Variants in SP3 observed in about 807,000 individuals in gnomAD.
SP3 encodes Sp3 transcription factor.
In SP3, 10 loss-of-function variants were observed where a neutral mutation model predicts 70.3. That is an observed-to-expected ratio of 0.14 (90% confidence interval 0.09 to 0.24). The LOEUF is 0.24. Ranked by LOEUF, SP3 falls within the 10% of genes least tolerant of loss-of-function variation. The pLI, the probability that SP3 is intolerant of heterozygous loss-of-function variation, is 1.00. For synonymous variants in SP3, 402 were observed against 333.5 expected, an observed-to-expected ratio of 1.21 and a Z score of -2.24; for missense variants, 825 against 914.6, an observed-to-expected ratio of 0.90 and a Z score of 1.26.
intron 6 of SP3, among the ~76,000 whole-genome samples, chr2:173,911,185 G>C (rs1216223240): frequency 2.6e-5 from 4 of 152,070 alleles, no homozygotes; most frequent in African/African-American, 4.8e-5. Flanking sequence ...CTTCCTTAAA[G>C]ACCAAATTTT....
At chr2:173,950,073 T>A (rs530808607) in intron 4 of SP3, among the ~76,000 whole-genome samples, 1 of 152,196 alleles carries the variant, frequency 6.6e-6, no homozygotes, top group South Asian at 2.1e-4. Context: ...CAGCATGCAT[T>A]TCTCAGTGGG....
chr2:173,934,162 C>G (rs553182235), intron 4 of SP3, among the ~76,000 whole-genome samples: 3 of 151,832 alleles, frequency 2.0e-5, no homozygotes, highest in Admixed American at 6.6e-5. Context: ...ATCACATGAG[C>G]CCAGGAGTTT....
At chr2:173,954,115 G>C (rs1188941038) in intron 4 of SP3, among the ~76,000 whole-genome samples, 1 of 152,142 alleles carries the variant, frequency 6.6e-6, no homozygotes, top group African/African-American at 2.4e-5. Flanking sequence ...AAGTAATAAA[G>C]TTCAGGATTT....
rs1418449363 is a variant in SP3, at chr2:173,908,665, G to A, written c.*1276C>T. The A allele has an allele frequency of 2.0e-5, 3 of 152,314 alleles. No homozygotes were observed. Among genetic ancestry groups the A allele is most frequent in the Non-Finnish European group, 4.4e-5 (3 of 67,872 alleles). The allele number at this position is 152,314 out of a possible 1,614,324, so 9.4% of individuals were successfully genotyped here. ...ACAGAATTCCAAATTTTTGAAATAGGTGAACTGCTGCAGTTACAGGTATAC... is the reference window on the plus strand; with the variant it reads ...ACAGAATTCCAAATTTTTGAAATAGATGAACTGCTGCAGTTACAGGTATAC... On this transcript the variant is annotated 3_prime_UTR_variant, in exon 7 of 7. Transcript: ENST00000310015.
chr2:173,951,833 A>G (rs1313734173), intron 4 of SP3, among the ~76,000 whole-genome samples: 1 of 152,192 alleles, frequency 6.6e-6, no homozygotes, highest in Admixed American at 6.5e-5. Flanking sequence ...ATGATTTTAT[A>G]ATATAATGAG....
chr2:173,913,245 C>A lies in SP3; in HGVS notation c.1854G>T (p.Lys618Asn). 1 of 1,597,194 alleles carries A rather than the reference C, an allele frequency of 6.3e-7. No individual in the cohort carries two copies. The highest frequency in any genetic ancestry group is 1.1e-5 in the South Asian group (1 of 87,576). ...GGGRGTNLGK[K>N]KQHICHIPGC... ...CTGGTATATGACAAATGTGTTGCTT[C>A]TTTTTCCCAAGATTGGTACCTCTAA... The change falls in exon 6 of 7, where the codon AAG (lysine) becomes AAT (asparagine). Residue 618 changes from lysine to asparagine, a missense_variant. By Grantham distance (94) the Lys-to-Asn change is moderately conservative. This residue lies in a region of SP3 where 37 missense variants were observed against 66.2 expected (regional missense o/e 0.56). Transcript: ENST00000310015.
intron 4 of SP3, among the ~76,000 whole-genome samples, chr2:173,933,274 G>T (rs1690117369): frequency 6.6e-6 from 1 of 151,798 alleles, no homozygotes; most frequent in Admixed American, 6.6e-5. Flanking sequence ...ACTAAAACTT[G>T]AAAATTCAAT....
At position 173,904,047 on chromosome 2, in the gene SP3, G is replaced by A. The variant is rs905034945; in HGVS notation, c.*5894C>T. On this transcript the variant is annotated 3_prime_UTR_variant, in exon 7 of 7. Transcript: ENST00000310015. ...GAAACTGCTCTACCTCAGATCATCAGACATTAGATTCTCTTAAGGAGGGCA... is the reference window on the plus strand; with the variant it reads ...GAAACTGCTCTACCTCAGATCATCAAACATTAGATTCTCTTAAGGAGGGCA... Among the ~76,000 whole-genome samples the A allele has an allele frequency of 3.3e-5, 5 of 152,134 alleles. No individual in the cohort carries two copies. Among genetic ancestry groups the A allele is most frequent in the Non-Finnish European group, 7.4e-5 (5 of 68,016 alleles).
rs1322688264 is a variant in SP3, at chr2:173,906,235, C to G, written c.*3706G>C. ...TTTCCCAGACTTCATGCAGAATTCT[C>G]CCTCTTCTAGGTTTCTACAGTACTT... On this transcript the variant is annotated 3_prime_UTR_variant, in exon 7 of 7. Transcript: ENST00000310015. Among the ~76,000 whole-genome samples the G allele has an allele frequency of 1.3e-5, 2 of 152,170 alleles. No homozygotes were observed. Among genetic ancestry groups the G allele is most frequent in the African/African-American group, 4.8e-5 (2 of 41,428 alleles).
At position 173,955,897 on chromosome 2, in the gene SP3, C is replaced by G; in HGVS notation, c.615G>C (p.Gln205His). 1.2e-6 allele frequency: 2 copies of G among 1,614,168 alleles called. No individual in the cohort carries two copies. Among genetic ancestry groups the G allele is most frequent in the East Asian group, 4.5e-5 (2 of 44,886 alleles). Reference protein sequence around the residue: ...GGINQESSQIQIIPGSNQTLL... With the variant: ...GGINQESSQIHIIPGSNQTLL... ...AGGTTTGATTAGAGCCAGGAATGATCTGAATTTGACTGCTTTCTTGATTTA... is the reference window on the plus strand; with the variant it reads ...AGGTTTGATTAGAGCCAGGAATGATGTGAATTTGACTGCTTTCTTGATTTA... The change falls in exon 4 of 7, where the codon CAG (glutamine) becomes CAC (histidine). Residue 205 changes from glutamine (Q) to histidine (H), a missense_variant. Physicochemically the swap from Gln to His is conservative, Grantham distance 24. Transcript: ENST00000310015.
chr2:173,909,062 C>CCCCT lies in SP3; in HGVS notation c.*878_*879insAGGG, dbSNP rs542608864. 2.6e-5 allele frequency: 4 copies of CCCCT among 152,576 alleles called. No individual in the cohort carries two copies. The East Asian group carries it at 7.7e-4, about 29-fold the overall frequency. The allele number at this position is 152,576 out of a possible 1,614,324, so 9.5% of individuals were successfully genotyped here. A position where few individuals can be genotyped will look rare whatever the true frequency, so the allele number is the denominator to read the frequency against. ...GTAATTTACATGATGGCTTTTAAGG[C>CCCCT]CCTGGGAGACATGGTTTTTGGAAAC... is the stretch of plus-strand genomic sequence containing the variant. On this transcript the variant is annotated 3_prime_UTR_variant, in exon 7 of 7. Transcript: ENST00000310015.
chr2:173,906,601 G>A lies in SP3; in HGVS notation c.*3340C>T, dbSNP rs1210639695. ...AGTTTATATTATTTTAAAACCAAATGTTATTCCATAATCATTTATGCAACA... is the reference window on the plus strand; with the variant it reads ...AGTTTATATTATTTTAAAACCAAATATTATTCCATAATCATTTATGCAACA... On this transcript the variant is annotated 3_prime_UTR_variant, in exon 7 of 7. Coordinates refer to ENST00000310015, the MANE Select transcript of SP3 (RefSeq NM_003111.5). The A allele has an allele frequency of 1.3e-5, 2 of 152,090 alleles. No homozygotes were observed. The highest frequency in any genetic ancestry group is 2.4e-5 in the African/African-American group (1 of 41,410). The allele number at this position is 152,090 out of a possible 1,614,324, so 9.4% of individuals were successfully genotyped here.
Position 173,904,545 on chromosome 2 carries a change from C to T in SP3, c.*5396G>A, listed in dbSNP as rs1160685240. On this transcript the variant is annotated 3_prime_UTR_variant, in exon 7 of 7. Coordinates refer to ENST00000310015, the MANE Select transcript of SP3 (RefSeq NM_003111.5). ...CCAAGTTATCAGGAATCAAGAAAGC[C>T]ATTTTCTTTTTCTTCTGGGGTTGAA... Among the ~76,000 whole-genome samples, 1 of 152,164 alleles carries T rather than the reference C, an allele frequency of 6.6e-6. No individual in the cohort carries two copies. The highest frequency in any genetic ancestry group is 1.5e-5 in the Non-Finnish European group (1 of 68,020).
intron 4 of SP3, among the ~76,000 whole-genome samples, chr2:173,937,576 A>AC (rs1190820956): frequency 3.9e-5 from 6 of 152,220 alleles, no homozygotes; most frequent in Non-Finnish European, 5.9e-5. Context: ...CTTGAAAAAA[A>AC]ATTTTTAAAT....
At chr2:173,951,436 A>G (rs1267113005) in intron 4 of SP3, among the ~76,000 whole-genome samples, 1 of 152,246 alleles carries the variant, frequency 6.6e-6, no homozygotes, top group Non-Finnish European at 1.5e-5. Flanking sequence ...GTTAACATAA[A>G]TTAACATTTT....
intron 6 of SP3, 114 bp from the exon 7 acceptor site, chr2:173,910,371 G>A: frequency 1.3e-6 from 1 of 765,542 alleles, no homozygotes; most frequent in South Asian, 1.8e-5. Flanking sequence ...GGGAGCAGGG[G>A]TCTATTAAAA....
At chr2:173,916,282 G>A (rs562532981) in intron 5 of SP3, 2 of 152,116 alleles carry the variant, frequency 1.3e-5, no homozygotes, top group South Asian at 2.1e-4. Flanking sequence ...ATAATTCTCA[G>A]AATACGGAAA....
At chr2:173,911,913 G>T (rs1689496088) in intron 6 of SP3, among the ~76,000 whole-genome samples, 1 of 147,292 alleles carries the variant, frequency 6.8e-6, no homozygotes, top group Non-Finnish European at 1.5e-5. Flanking sequence ...CCGCCCCATG[G>T]GCTCAAGCAA....
In SP3 at chr2:173,955,945, T is replaced by A; in HGVS notation, c.567A>T (p.Thr189=). Residue 189 remains threonine (T), a synonymous_variant, in exon 4 of 7, where the codon ACA becomes ACT. Coordinates refer to ENST00000310015, the MANE Select transcript of SP3 (RefSeq NM_003111.5). The stretch of plus-strand genomic sequence containing the variant: ...TTATACCCCCATTATCTGAAGAGCC[T>A]GTGAAACCAATTTGAACCTGCTGAC... ...ADGQQVQIGF[T]GSSDNGGINQ... 6.2e-7 allele frequency: 1 copy of A among 1,614,206 alleles called. No individual in the cohort carries two copies. Among genetic ancestry groups the A allele is most frequent in the Admixed American group, 1.7e-5 (1 of 60,032 alleles).
Sources: gnomAD v4.1 joint callset for allele counts (sites outside exome capture counted in the v4.1 genomes callset) on GRCh38, gnomAD v4.1.1 for gene constraint, gnomAD v4.1.1 regional missense constraint, MANE v1.5 for transcripts, NCBI Gene and HGNC (gene_info 2026-07-23, HGNC 2026-07-21) for gene names.